Variants in CCDC149 observed in about 807,000 individuals in gnomAD.
CCDC149 encodes the protein coiled-coil domain containing 149.
Under a neutral mutation model 59.9 loss-of-function variants are expected in CCDC149, and 45 were observed. The ratio of observed to expected loss-of-function variants is 0.75; its 90% confidence interval spans 0.59 to 0.96. The LOEUF is 0.96. Ranked by LOEUF, CCDC149 falls within the 40% of genes least tolerant of loss-of-function variation. CCDC149 has a pLI of 0.00. For synonymous variants in CCDC149, 245 were observed against 260.6 expected, an observed-to-expected ratio of 0.94 and a Z score of 0.58; for missense variants, 584 against 664.7, an observed-to-expected ratio of 0.88 and a Z score of 1.33.
Position 24,912,830 on chromosome 4 carries a change from C to A in CCDC149, c.50G>T (p.Gly17Val). ...CCGCGGCCTCACCTCGCTCACCAGC[C>A]CCTGCCAGTCGCTCTCAGTCCGGTC... The change falls in exon 1 of 13, where the codon GGG becomes GTG. Residue 17 changes from glycine to valine, a missense_variant. Transcript: ENST00000635206. The A allele has an allele frequency of 1.5e-6, 2 of 1,372,460 alleles. No homozygotes were observed. Among genetic ancestry groups the A allele is most frequent in the South Asian group, 2.9e-5 (2 of 68,776 alleles). The allele number at this position is 1,372,460 out of a possible 1,614,324, so 85.0% of individuals were successfully genotyped here.
At position 24,837,641 on chromosome 4, in the gene CCDC149, C is replaced by T. The variant is rs147804892; in HGVS notation, c.490-241G>A. On this transcript the variant is annotated intron_variant, in intron 5 of 12. Transcript: ENST00000635206. The surrounding 1 kb of genome is among the most constrained non-coding windows in gnomAD (Gnocchi z 4.3). ...GGTGCAGCAGCTTAGAAAACCAGAA[C>T]TGAACCCTCGCCAACTTCAGGATGC... Among the ~76,000 whole-genome samples the T allele has an allele frequency of 2.5e-3, 385 of 152,316 alleles. No homozygotes were observed. The highest frequency in any genetic ancestry group is 8.7e-3 in the African/African-American group (362 of 41,580).
chr4:24,853,354 C>A, intron 3 of CCDC149, 175 bp from the exon 4 acceptor site: 2 of 586,972 alleles, frequency 3.4e-6, no homozygotes, highest in South Asian at 2.2e-5. Context: ...TACAATGGCA[C>A]GCAGGAAAAT....
At position 24,912,960 on chromosome 4, in the gene CCDC149, G is replaced by GC. The variant is rs995942772; in HGVS notation, c.-82dup. On this transcript the variant is annotated 5_prime_UTR_variant, in exon 1 of 13. Transcript: ENST00000635206. ...GCCGCCGCCGCCCGGGCCCCGCGCGGCCCCGAGAGGGCCCGGCGCCTCCGA... is the reference window on the plus strand; with the variant it reads ...GCCGCCGCCGCCCGGGCCCCGCGCGGCCCCCGAGAGGGCCCGGCGCCTCCGA... 1.4e-6 allele frequency: 1 copy of GC among 726,632 alleles called. No homozygotes were observed. Among genetic ancestry groups the GC allele is most frequent in the Non-Finnish European group, 1.8e-6 (1 of 562,224 alleles). 45.0% of individuals were successfully genotyped at this position (726,632 alleles called of 1,614,324 possible).
Position 24,912,864 on chromosome 4 carries a change from TG to T in CCDC149, c.15del (p.Met6Ter). On this transcript the variant is annotated frameshift_variant, in exon 1 of 13. Transcript: ENST00000635206. LOFTEE classifies it high-confidence loss of function. ...TCGCTCTCAGTCCGGTCGCCGTTCA[TG>T]GCCTCCTCCTCCATGCGCTGGCCGG... 7.3e-7 allele frequency: 1 copy of T among 1,373,820 alleles called. No homozygotes were observed. Among genetic ancestry groups the T allele is most frequent in the South Asian group, 1.4e-5 (1 of 70,362 alleles). 85.1% of individuals were successfully genotyped at this position (1,373,820 alleles called of 1,614,324 possible). A position where few individuals can be genotyped will look rare whatever the true frequency, so the allele number is the denominator to read the frequency against.
intron 1 of CCDC149, among the ~76,000 whole-genome samples, chr4:24,883,948 A>G (rs1720004358): frequency 6.6e-6 from 1 of 152,134 alleles, no homozygotes; most frequent in Non-Finnish European, 1.5e-5. Flanking sequence ...ACTATTCTAC[A>G]TTGGCACCAA....
At chr4:24,951,360 C>T (rs943922529) in intron 1 of CCDC149, among the ~76,000 whole-genome samples, 4 of 151,934 alleles carry the variant, frequency 2.6e-5, no homozygotes, top group Admixed American at 6.6e-5. Context: ...CATTAGGAGT[C>T]GATTTTAAAC....
At chr4:24,908,773 T>A (rs187640062) in intron 1 of CCDC149, among the ~76,000 whole-genome samples, 19 of 152,362 alleles carry the variant, frequency 1.2e-4, no homozygotes, top group Admixed American at 7.2e-4. Flanking sequence ...GTCTTCTGCC[T>A]CCTGGCCCCT....
intron 1 of CCDC149, among the ~76,000 whole-genome samples, chr4:24,882,962 A>C (rs1208670156): frequency 6.6e-6 from 1 of 152,206 alleles, no homozygotes; most frequent in Non-Finnish European, 1.5e-5. Context: ...AAAAACTAAA[A>C]ATGCATTAAA....
chr4:24,834,920 C>T lies in CCDC149; in HGVS notation c.820+28G>A, dbSNP rs77263075. On this transcript the variant is annotated intron_variant, in intron 8 of 12. Transcript: ENST00000635206. Reference sequence around the variant, plus strand: ...AGCTCTAGTATTTTACGCTCATGAGCGGTCTCTCCTGGAGCATGATATCCT... The same window carrying T: ...AGCTCTAGTATTTTACGCTCATGAGTGGTCTCTCCTGGAGCATGATATCCT... The T allele has an allele frequency of 2.2e-3, 3,388 of 1,536,716 alleles. 40 individuals are homozygous for T. The African/African-American group carries it at 0.036, about 16-fold the overall frequency.
At chr4:24,899,335 T>C (rs891726791) in intron 1 of CCDC149, among the ~76,000 whole-genome samples, 5 of 152,022 alleles carry the variant, frequency 3.3e-5, no homozygotes, top group African/African-American at 1.2e-4. Flanking sequence ...GAAAGAGAGA[T>C]AGGAAAGTGT....
At chr4:24,970,258 G>A (rs1723919197) in intron 1 of CCDC149, among the ~76,000 whole-genome samples, 2 of 152,178 alleles carry the variant, frequency 1.3e-5, no homozygotes, top group Non-Finnish European at 2.9e-5. Flanking sequence ...TCCAGCTGTT[G>A]GATCTGCACC....
chr4:24,932,769 A>C (rs1373437135), intron 1 of CCDC149, among the ~76,000 whole-genome samples: 2 of 152,204 alleles, frequency 1.3e-5, no homozygotes, highest in Non-Finnish European at 2.9e-5. Context: ...TGAAAACACC[A>C]GGGAAAACAT....
chr4:24,943,154 A>G (rs1309968105), intron 1 of CCDC149, among the ~76,000 whole-genome samples: 1 of 152,208 alleles, frequency 6.6e-6, no homozygotes, highest in Non-Finnish European at 1.5e-5. Flanking sequence ...ACTATACTAC[A>G]AGGCTACGGT....
intron 1 of CCDC149, among the ~76,000 whole-genome samples, chr4:24,890,968 G>T (rs982443086): frequency 6.6e-6 from 1 of 152,188 alleles, no homozygotes; most frequent in Non-Finnish European, 1.5e-5. Context: ...TCGCTAAAGG[G>T]CCACTTGGGC....
At chr4:24,976,301 AT>A (rs2109372952) in intron 1 of CCDC149, among the ~76,000 whole-genome samples, 1 of 152,294 alleles carries the variant, frequency 6.6e-6, no homozygotes, top group African/African-American at 2.4e-5. Flanking sequence ...ACTTGAGGCC[AT>A]CTGCAGGTAT....
chr4:24,915,412 C>G (rs1243283286), upstream of CCDC149, among the ~76,000 whole-genome samples: 1 of 152,208 alleles, frequency 6.6e-6, no homozygotes, highest in Non-Finnish European at 1.5e-5. Context: ...TTAGCTGAGC[C>G]CTTCATGATA....
intron 1 of CCDC149, among the ~76,000 whole-genome samples, chr4:24,937,068 G>A (rs568864853): frequency 1.8e-4 from 27 of 152,304 alleles, no homozygotes; most frequent in South Asian, 6.2e-4. Flanking sequence ...CATTGGTGGC[G>A]CCAAGGCGAA....
At chr4:24,888,951 C>A (rs1305616649) in intron 1 of CCDC149, among the ~76,000 whole-genome samples, 1 of 151,926 alleles carries the variant, frequency 6.6e-6, no homozygotes, top group Admixed American at 6.6e-5. Flanking sequence ...CTCAGACTCA[C>A]CATGCCGTTT....
At chr4:24,809,221 T>C (rs753752272) in intron 12 of CCDC149, among the ~76,000 whole-genome samples, 7 of 152,168 alleles carry the variant, frequency 4.6e-5, no homozygotes, top group African/African-American at 1.2e-4. Flanking sequence ...TCCGGCTGCA[T>C]TGAGGGTGGG....
Sources: allele counts gnomAD v4.1 joint callset (sites outside exome capture counted in the v4.1 genomes callset), GRCh38; gene constraint gnomAD v4.1.1; non-coding constraint Gnocchi (gnomAD v3.1); transcripts MANE v1.5; gene names NCBI Gene and HGNC (gene_info 2026-07-23, HGNC 2026-07-21).